DMXL1: variants seen among roughly 807,000 people sequenced by gnomAD.
The protein encoded by DMXL1 is dmX-like protein 1.
A neutral mutation model predicts 319.2 loss-of-function variants in DMXL1; 99 were observed. That is an observed-to-expected ratio of 0.31 (90% confidence interval 0.26 to 0.37). The LOEUF (loss-of-function observed/expected upper bound fraction) is 0.37, where lower values mean the gene tolerates loss of function less well. DMXL1 is among the 10% of genes least tolerant of loss of function. The pLI is 1.00. For missense variants in DMXL1, 3,745 were observed against 3,595.6 expected, an observed-to-expected ratio of 1.04 and a Z score of -1.06; for synonymous variants, 1,385 against 1,235.2, an observed-to-expected ratio of 1.12 and a Z score of -2.54.
At chr5:119,153,204 T>C (rs1035478934) in intron 19 of DMXL1, among the ~76,000 whole-genome samples, 6 of 152,212 alleles carry the variant, frequency 3.9e-5, no homozygotes, top group Admixed American at 3.3e-4. Flanking sequence ...CTTGAACTCC[T>C]GACCTCAAGC....
rs553535977 is a variant in DMXL1, at chr5:119,091,709, G to A, written c.88-6270G>A. Among the ~76,000 whole-genome samples, 6 of 152,214 alleles carry A rather than the reference G, an allele frequency of 3.9e-5. No homozygotes were observed. The East Asian group carries it at 1.2e-3, about 29-fold the overall frequency. Reference sequence around the variant, plus strand: ...TCTAGTAAACCATCAAAGGGCTGCCGTTCCTAAAGTGAGGAGATCCCACAG... The same window carrying A: ...TCTAGTAAACCATCAAAGGGCTGCCATTCCTAAAGTGAGGAGATCCCACAG... On this transcript the variant is annotated intron_variant, in intron 1 of 43. Coordinates refer to ENST00000539542, the MANE Select transcript of DMXL1 (RefSeq NM_001290321.3).
intron 28 of DMXL1, among the ~76,000 whole-genome samples, chr5:119,180,240 A>T (rs1285789637): frequency 6.6e-6 from 1 of 152,224 alleles, no homozygotes. Flanking sequence ...TATTTGACCT[A>T]ACCACAAATT....
At chr5:119,199,472 A>G (rs771543677) in intron 32 of DMXL1, among the ~76,000 whole-genome samples, 9 of 152,144 alleles carry the variant, frequency 5.9e-5, no homozygotes, top group Non-Finnish European at 1.2e-4. Context: ...TCTGTCACTG[A>G]TGAGCGTTTA....
At position 119,133,132 on chromosome 5, in the gene DMXL1, A is replaced by G. The variant is rs776927547; in HGVS notation, c.1316A>G (p.Glu439Gly). 1 of 1,613,882 alleles carries G rather than the reference A, an allele frequency of 6.2e-7. No individual in the cohort carries two copies. The highest frequency in any genetic ancestry group is 8.5e-7 in the Non-Finnish European group (1 of 1,179,860). ...SNQADVKSDE[E>G]TDDGVDDLKI... ...GGTTCATGAACTCTTTTGCTTATAG[A>G]AACTGATGATGGTGTTGATGATCTG... The change falls in exon 11 of 44, where the codon GAA (glutamate) becomes GGA (glycine). Residue 439 changes from glutamate (E) to glycine (G), a missense_variant and splice_region_variant. Physicochemically the swap from Glu to Gly is moderately conservative, Grantham distance 98 (BLOSUM62 -2). This residue lies in a region of DMXL1 where 2,096 missense variants were observed against 1,985.4 expected (regional missense o/e 1.06). Transcript: ENST00000539542.
intron 1 of DMXL1, among the ~76,000 whole-genome samples, chr5:119,089,293 T>TATATATATATGCA (rs70982466): frequency 7.9e-5 from 2 of 25,332 alleles, no homozygotes; most frequent in African/African-American, 2.8e-4. Context: ...TATATATATA[T>TATATATATATGCA]TTTTTTTTTT....
intron 1 of DMXL1, among the ~76,000 whole-genome samples, chr5:119,076,430 A>G (rs1466265242): frequency 1.3e-5 from 2 of 151,966 alleles, no homozygotes; most frequent in African/African-American, 4.8e-5. Flanking sequence ...GGGCATGTGA[A>G]TCTTTTTTGG....
intron 28 of DMXL1, among the ~76,000 whole-genome samples, chr5:119,185,323 C>T (rs1777519177): frequency 6.6e-6 from 1 of 152,110 alleles, no homozygotes; most frequent in South Asian, 2.1e-4. Context: ...ACCGTGGAGA[C>T]TCCCTTGCTC....
At chr5:119,232,462 G>A (rs1469593939) in intron 38 of DMXL1, among the ~76,000 whole-genome samples, 1 of 152,046 alleles carries the variant, frequency 6.6e-6, no homozygotes, top group Non-Finnish European at 1.5e-5. Context: ...TATTGATAAT[G>A]ATACTCTATA....
chr5:119,173,731 T>C (rs1334222015), intron 25 of DMXL1, among the ~76,000 whole-genome samples: 2 of 102,638 alleles, frequency 1.9e-5, no homozygotes, highest in Non-Finnish European at 4.2e-5. Context: ...TATATATATA[T>C]GTGTGTATAT....
At position 119,215,426 on chromosome 5, in the gene DMXL1, G is replaced by T. The variant is rs1001017231; in HGVS notation, c.7927-1475G>T. Among the ~76,000 whole-genome samples the T allele has an allele frequency of 5.9e-5, 9 of 152,184 alleles. No individual in the cohort carries two copies. In the East Asian group the frequency reaches 1.7e-3, roughly 29 times the overall value. On this transcript the variant is annotated intron_variant, in intron 34 of 43. Transcript: ENST00000539542. ...GGGTTCAAGTGATTCTCGTGCCTCAGCCACTCAAGTAGCTGGGATTACCGA... is the reference window on the plus strand; with the variant it reads ...GGGTTCAAGTGATTCTCGTGCCTCATCCACTCAAGTAGCTGGGATTACCGA...
At chr5:119,084,482 C>A (rs746113961) in intron 1 of DMXL1, among the ~76,000 whole-genome samples, 2 of 152,108 alleles carry the variant, frequency 1.3e-5, no homozygotes, top group Non-Finnish European at 2.9e-5. Flanking sequence ...TTTGTGGCTC[C>A]ACCTAAATTT....
At chr5:119,204,336 A>T (rs1227991368) in intron 33 of DMXL1, among the ~76,000 whole-genome samples, 1 of 152,042 alleles carries the variant, frequency 6.6e-6, no homozygotes, top group Non-Finnish European at 1.5e-5. Context: ...ACTGGGTTTC[A>T]CCATATTGCC....
intron 19 of DMXL1, among the ~76,000 whole-genome samples, chr5:119,161,020 A>G (rs1772150855): frequency 6.6e-6 from 1 of 152,198 alleles, no homozygotes; most frequent in East Asian, 1.9e-4. Flanking sequence ...GTTTCGAGAT[A>G]TAATGATTCC....
intron 7 of DMXL1, among the ~76,000 whole-genome samples, chr5:119,117,046 T>G (rs1761002712): frequency 6.6e-6 from 1 of 152,282 alleles, no homozygotes; most frequent in Middle Eastern, 3.4e-3. Context: ...TGTTTAGTTT[T>G]GAGACAGGGT....
intron 38 of DMXL1, among the ~76,000 whole-genome samples, chr5:119,227,107 C>A (rs1235027980): frequency 6.6e-6 from 1 of 152,220 alleles, no homozygotes; most frequent in South Asian, 2.1e-4. Flanking sequence ...ATCTAAGACA[C>A]TGCATTAGCA....
At chr5:119,089,454 C>CA (rs1360911013) in intron 1 of DMXL1, among the ~76,000 whole-genome samples, 3 of 148,860 alleles carry the variant, frequency 2.0e-5, no homozygotes, top group Non-Finnish European at 4.5e-5. Context: ...TACAGGCGCG[C>CA]ACCACCACAC....
intron 23 of DMXL1, among the ~76,000 whole-genome samples, chr5:119,169,237 C>G (rs1043000795): frequency 6.6e-6 from 1 of 152,132 alleles, no homozygotes; most frequent in South Asian, 2.1e-4. Flanking sequence ...TGATTTGGGA[C>G]TAGTACATTT....
At chr5:119,075,335 G>A (rs772090582) in intron 1 of DMXL1, among the ~76,000 whole-genome samples, 1 of 150,862 alleles carries the variant, frequency 6.6e-6, no homozygotes, top group Non-Finnish European at 1.5e-5. Flanking sequence ...CGCCTCCCGG[G>A]TTCAAGCTGT....
intron 5 of DMXL1, among the ~76,000 whole-genome samples, chr5:119,111,734 CTTAAA>C: frequency 6.6e-6 from 1 of 152,124 alleles, no homozygotes; most frequent in East Asian, 1.9e-4. Context: ...AAAAGTAGGC[CTTAAA>C]TTAGTTAGAA....
Sources: gnomAD v4.1 joint callset for allele counts (sites outside exome capture counted in the v4.1 genomes callset) on GRCh38, gnomAD v4.1.1 for gene constraint, gnomAD v4.1.1 regional missense constraint, MANE v1.5 for transcripts, NCBI Gene and HGNC (gene_info 2026-07-23, HGNC 2026-07-21) for gene names.